Variants in FANCA observed in about 807,000 individuals in gnomAD.
The protein encoded by FANCA is FA complementation group A.
Under a neutral mutation model 194.3 loss-of-function variants are expected in FANCA, and 236 were observed. That is an observed-to-expected ratio of 1.21 (90% CI 1.09 to 1.35). The LOEUF is 1.35. Among genes scored for constraint, FANCA ranks in the 40% most tolerant of loss-of-function variants. The probability of loss-of-function intolerance (pLI) is 0.00; values close to 1 mark genes in which losing one functional copy is unlikely to be tolerated. For synonymous variants in FANCA, 1,014 were observed against 715.8 expected, an observed-to-expected ratio of 1.42 and a Z score of -6.65; for missense variants, 2,628 against 1,813.9, an observed-to-expected ratio of 1.45 and a Z score of -8.15.
chr16:89,748,888 A>T, intron 32 of FANCA, 121 bp from the exon 33 acceptor site: 1 of 798,126 alleles, frequency 1.3e-6, no homozygotes, highest in Non-Finnish European at 2.1e-6. Context: ...TTGGAACCAG[A>T]GCCTTGGCCT....
At chr16:89,815,103 TCTCA>T (rs961517505) in intron 2 of FANCA, among the ~76,000 whole-genome samples, 12 of 151,926 alleles carry the variant, frequency 7.9e-5, no homozygotes, top group Admixed American at 2.0e-4. Flanking sequence ...AATGGCGGGA[TCTCA>T]CTCACGGCGA....
At chr16:89,779,673 G>C (rs17232756) in intron 18 of FANCA, among the ~76,000 whole-genome samples, 196 bp downstream of exon 18, 2 of 152,226 alleles carry the variant, frequency 1.3e-5, no homozygotes, top group Non-Finnish European at 2.9e-5. Context: ...TCTCTGAATA[G>C]ACAGTGGCCA....
At chr16:89,805,484 G>T in intron 6 of FANCA, 92 bp from the exon 7 acceptor site, 1 of 973,018 alleles carries the variant, frequency 1.0e-6, no homozygotes, top group Non-Finnish European at 1.6e-6. Context: ...TTTTTTTTGA[G>T]ACAGTTTTTT....
intron 5 of FANCA, among the ~76,000 whole-genome samples, chr16:89,810,393 A>AT (rs34601353): frequency 5.6e-4 from 84 of 151,126 alleles, no homozygotes; most frequent in Admixed American, 1.7e-3. Context: ...AATTACATAC[A>AT]TTTTTTTTTA....
At chr16:89,769,396 A>T (rs1343540100) in intron 26 of FANCA, among the ~76,000 whole-genome samples, 1 of 151,884 alleles carries the variant, frequency 6.6e-6, no homozygotes, top group Non-Finnish European at 1.5e-5. Context: ...GTCCTTCCTC[A>T]CCTCAGCACA....
chr16:89,793,687 C>T lies in FANCA; in HGVS notation c.1007-1140G>A, dbSNP rs1380528204. ...CCTCGACCTCCCTGGCTCAAGCAAT[C>T]CACCTGCCTCAGTCTCCCAAGTAGC... On this transcript the variant is annotated intron_variant, in intron 11 of 42. Transcript: ENST00000389301. Among the ~76,000 whole-genome samples, 4 of 151,842 alleles carry T rather than the reference C, an allele frequency of 2.6e-5. No individual in the cohort carries two copies. The East Asian group carries it at 7.7e-4, about 29-fold the overall frequency.
intron 35 of FANCA, among the ~76,000 whole-genome samples, chr16:89,745,517 A>T (rs1293646542): frequency 2.2e-5 from 3 of 135,958 alleles, no homozygotes; most frequent in African/African-American, 3.2e-5. Flanking sequence ...CAGTGAAGGG[A>T]CCACACTGCC....
chr16:89,740,087 G>A lies in FANCA; in HGVS notation c.3841C>T (p.Leu1281=), dbSNP rs2151714870. The A allele has an allele frequency of 6.2e-7, 1 of 1,614,162 alleles. No individual in the cohort carries two copies. The highest frequency in any genetic ancestry group is 8.5e-7 in the Non-Finnish European group (1 of 1,180,036). ...GCACAAACGTGGAAAGCCTTTGGCA[G>A]GTCTGTGGTGCTCTGTAAACCGCAG... ...SHLTSNSTTD[L]PKAFHVCAAI... The change falls in exon 39 of 43, where the codon CTG becomes TTG. Residue 1281 remains leucine (L), a synonymous_variant. Coordinates refer to ENST00000389301, the MANE Select transcript of FANCA (RefSeq NM_000135.4).
In FANCA at chr16:89,764,925, T is replaced by C; in HGVS notation, c.2743A>G (p.Thr915Ala). The C allele has an allele frequency of 1.2e-6, 2 of 1,614,174 alleles. No homozygotes were observed. The highest frequency in any genetic ancestry group is 1.7e-6 in the Non-Finnish European group (2 of 1,180,026). ...TCCTCTTTCAACACCTCTCGGAAGGTTCTGTGTGTCCAGAGAGAGAGGGCA... is the reference window on the plus strand; with the variant it reads ...TCCTCTTTCAACACCTCTCGGAAGGCTCTGTGTGTCCAGAGAGAGAGGGCA... Reference protein sequence around the residue: ...RAALSLWTHRTFREVLKEEDV... With the variant: ...RAALSLWTHRAFREVLKEEDV... Residue 915 changes from threonine to alanine, a missense_variant, in exon 28 of 43, where the codon ACC (threonine) becomes GCC (alanine). By Grantham distance (58) the Thr-to-Ala change is moderately conservative. Coordinates refer to ENST00000389301, the MANE Select transcript of FANCA (RefSeq NM_000135.4).
At chr16:89,813,782 G>T (rs1355658173) in intron 3 of FANCA, among the ~76,000 whole-genome samples, 2 of 150,300 alleles carry the variant, frequency 1.3e-5, no homozygotes, top group African/African-American at 4.9e-5. Context: ...CCATAGGAAA[G>T]TTTTTTTATC....
chr16:89,788,641 T>A (rs957143687), intron 14 of FANCA, among the ~76,000 whole-genome samples: 8 of 151,610 alleles, frequency 5.3e-5, no homozygotes, highest in South Asian at 2.1e-4. Flanking sequence ...TACAAAAAAA[T>A]TTTTTTTAAT....
At chr16:89,806,593 T>C (rs572102119) in intron 6 of FANCA, among the ~76,000 whole-genome samples, 18 of 152,112 alleles carry the variant, frequency 1.2e-4, no homozygotes, top group South Asian at 8.3e-4. Context: ...TAACAAAGCA[T>C]ATCTTGCACC....
intron 11 of FANCA, among the ~76,000 whole-genome samples, chr16:89,795,611 A>T (rs751428953): frequency 5.9e-5 from 9 of 152,228 alleles, no homozygotes; most frequent in Admixed American, 1.3e-4. Context: ...GCACTCCAGC[A>T]TGGGCAAGTG....
At chr16:89,739,905 C>G in intron 39 of FANCA, 89 bp downstream of exon 39, 1 of 1,584,044 alleles carries the variant, frequency 6.3e-7, no homozygotes, top group Non-Finnish European at 8.6e-7. Flanking sequence ...TAGCAAGGAA[C>G]CTCAAGGAGG....
rs1243531737 is a variant in FANCA, at chr16:89,749,611, G to C, written c.3239+119C>G. Reference sequence around the variant, plus strand: ...CACAGAAATGGACAGGCTTGGGGTGGGGACACACAGACAAGTAAGTAACGG... The same window carrying C: ...CACAGAAATGGACAGGCTTGGGGTGCGGACACACAGACAAGTAAGTAACGG... On this transcript the variant is annotated intron_variant, in intron 32 of 42. Coordinates refer to ENST00000389301, the MANE Select transcript of FANCA (RefSeq NM_000135.4). 7.9e-6 allele frequency: 10 copies of C among 1,259,782 alleles called. No individual in the cohort carries two copies. The East Asian group carries it at 2.3e-4, about 29-fold the overall frequency. 78.0% of individuals were successfully genotyped at this position (1,259,782 alleles called of 1,614,324 possible). A position where few individuals can be genotyped will look rare whatever the true frequency, so the allele number is the denominator to read the frequency against.
chr16:89,741,251 C>G (rs1425082831), intron 37 of FANCA, among the ~76,000 whole-genome samples: 1 of 152,198 alleles, frequency 6.6e-6, no homozygotes, highest in Non-Finnish European at 1.5e-5. Context: ...AAAGTAGGGC[C>G]TGACTGGGCA....
intron 14 of FANCA, among the ~76,000 whole-genome samples, chr16:89,788,642 T>G (rs1374973308): frequency 6.6e-6 from 1 of 152,050 alleles, no homozygotes; most frequent in South Asian, 2.1e-4. Flanking sequence ...ACAAAAAAAT[T>G]TTTTTTAATT....
At chr16:89,815,794 T>G in intron 2 of FANCA, 83 bp downstream of exon 2, 1 of 1,149,748 alleles carries the variant, frequency 8.7e-7, no homozygotes, top group Non-Finnish European at 1.3e-6. Flanking sequence ...CCTCGGGTGT[T>G]TTCTTAGGAA....
chr16:89,781,233 G>A lies in FANCA; in HGVS notation c.1627-1276C>T, dbSNP rs1007161808. ...CACAAAATTAGCCTGACGTGGTGGC[G>A]GGTGCCTGTAGTCCCAGCTACTCGG... On this transcript the variant is annotated intron_variant, in intron 17 of 42. Transcript: ENST00000389301. Among the ~76,000 whole-genome samples, 17 of 150,970 alleles carry A rather than the reference G, an allele frequency of 1.1e-4. 1 individual carries two copies. In the South Asian group the frequency reaches 1.9e-3, roughly 17 times the overall value.
Sources: gnomAD v4.1 joint callset for allele counts (sites outside exome capture counted in the v4.1 genomes callset) on GRCh38, gnomAD v4.1.1 for gene constraint, MANE v1.5 for transcripts, NCBI Gene and HGNC (gene_info 2026-07-23, HGNC 2026-07-21) for gene names.